GULP1: variants seen among roughly 807,000 people sequenced by gnomAD.
GULP1 encodes GULP PTB domain containing engulfment adaptor 1, also known as PTB domain-containing engulfment adapter protein 1.
In GULP1, 19 loss-of-function variants were observed where a neutral mutation model predicts 40.9. That is an observed-to-expected ratio of 0.46 (90% CI 0.32 to 0.68). The LOEUF (loss-of-function observed/expected upper bound fraction) is 0.68, where lower values mean the gene tolerates loss of function less well. Among genes scored for constraint, GULP1 ranks in the 30% least tolerant of loss-of-function variants. The pLI is 0.03. For synonymous variants in GULP1, 119 were observed against 117.6 expected, an observed-to-expected ratio of 1.01 and a Z score of -0.08; for missense variants, 312 against 362.2, an observed-to-expected ratio of 0.86 and a Z score of 1.12.
chr2:188,407,751 A>G (rs1347750710), intron 2 of GULP1, among the ~76,000 whole-genome samples: 2 of 152,204 alleles, frequency 1.3e-5, no homozygotes, highest in East Asian at 3.8e-4. Flanking sequence ...CAAAACAACT[A>G]GAAAAATATT....
intron 6 of GULP1, among the ~76,000 whole-genome samples, chr2:188,530,684 T>G (rs985344800): frequency 6.6e-6 from 1 of 152,160 alleles, no homozygotes; most frequent in African/African-American, 2.4e-5. Flanking sequence ...ACCGACACCT[T>G]GATCTTAGAC....
intron 1 of GULP1, among the ~76,000 whole-genome samples, chr2:188,348,072 G>T (rs188403171): frequency 6.6e-6 from 1 of 152,026 alleles, no homozygotes; most frequent in African/African-American, 2.4e-5. Flanking sequence ...AATTCAGTGC[G>T]GAAGTAACTT....
intron 1 of GULP1, among the ~76,000 whole-genome samples, chr2:188,356,153 CT>C (rs2045282860): frequency 6.6e-6 from 1 of 152,016 alleles, no homozygotes; most frequent in Non-Finnish European, 1.5e-5. Context: ...GTTTTCATCA[CT>C]TTTATTCAAC....
chr2:188,574,288 A>T (rs927879440), intron 9 of GULP1, among the ~76,000 whole-genome samples: 4 of 152,142 alleles, frequency 2.6e-5, no homozygotes, highest in Non-Finnish European at 5.9e-5. Flanking sequence ...GATGAAGTAG[A>T]AGATGAAGCC....
intron 10 of GULP1, among the ~76,000 whole-genome samples, chr2:188,584,903 A>G (rs1702046752): frequency 6.6e-6 from 1 of 152,070 alleles, no homozygotes; most frequent in Non-Finnish European, 1.5e-5. Context: ...TTTCTGTTTT[A>G]TCTTTTATAT....
Position 188,541,206 on chromosome 2 carries a change from A to G in GULP1, c.287A>G (p.His96Arg), listed in dbSNP as rs369711209. The G allele has an allele frequency of 3.7e-6, 6 of 1,612,808 alleles. No homozygotes were observed. In the African/African-American group the frequency reaches 6.7e-5, roughly 18 times the overall value. ...GAAGTTCAACACAATTGCCAGCTTCATAGAATATCTTTTTGTGCAGATGAT... is the reference window on the plus strand; with the variant it reads ...GAAGTTCAACACAATTGCCAGCTTCGTAGAATATCTTTTTGTGCAGATGAT... ...TKEVQHNCQLHRISFCADDKT... is the reference protein window; with the variant it reads ...TKEVQHNCQLRRISFCADDKT... The change falls in exon 7 of 12, where the codon CAT becomes CGT. Residue 96 changes from histidine to arginine, a missense_variant. Physicochemically the swap from His to Arg is conservative, Grantham distance 29 (BLOSUM62 0). Transcript: ENST00000409830.
intron 2 of GULP1, among the ~76,000 whole-genome samples, chr2:188,456,705 G>T (rs980114627): frequency 6.6e-6 from 1 of 152,192 alleles, no homozygotes; most frequent in East Asian, 1.9e-4. Context: ...ACCTAGTGGA[G>T]CTGTGAGAAG....
intron 2 of GULP1, chr2:188,384,410 A>T (rs1287986607): frequency 6.6e-6 from 1 of 152,138 alleles, no homozygotes; most frequent in African/African-American, 2.4e-5. Flanking sequence ...CGCCCCCATG[A>T]TTCAATCACC....
intron 3 of GULP1, among the ~76,000 whole-genome samples, chr2:188,479,446 T>G (rs1471356771): frequency 4.6e-5 from 7 of 152,130 alleles, no homozygotes; most frequent in Non-Finnish European, 2.9e-5. Flanking sequence ...TTGAAGTTTT[T>G]GTTTTGTTTT....
chr2:188,463,352 G>A (rs764691476), intron 2 of GULP1, among the ~76,000 whole-genome samples: 20 of 152,138 alleles, frequency 1.3e-4, no homozygotes, highest in Non-Finnish European at 2.1e-4. Context: ...CTCCTGGCCT[G>A]TAAAGTTCCC....
At chr2:188,547,695 GAC>G (rs762902817) in intron 7 of GULP1, among the ~76,000 whole-genome samples, 7 of 152,076 alleles carry the variant, frequency 4.6e-5, no homozygotes, top group Non-Finnish European at 7.4e-5. Context: ...CACCCTCACA[GAC>G]ACACACAGGA....
rs191249932 is a variant in GULP1, at chr2:188,568,251, G to A, written c.400-988G>A. ...GAATTTGTAGTAGAGTTAAAGCATAGCATTTTCAATATATATTACTACTAG... is the reference window on the plus strand; with the variant it reads ...GAATTTGTAGTAGAGTTAAAGCATAACATTTTCAATATATATTACTACTAG... On this transcript the variant is annotated intron_variant, in intron 7 of 11. Transcript: ENST00000409830. Among the ~76,000 whole-genome samples the A allele has an allele frequency of 4.7e-4, 72 of 152,172 alleles. 1 individual carries two copies. Among genetic ancestry groups the A allele is most frequent in the Middle Eastern group, 6.9e-3 (2 of 288 alleles).
At chr2:188,470,064 C>T (rs2060460294) in intron 2 of GULP1, among the ~76,000 whole-genome samples, 1 of 151,980 alleles carries the variant, frequency 6.6e-6, no homozygotes, top group African/African-American at 2.4e-5. Context: ...CAAGGTAATA[C>T]TGGCCTCATA....
intron 2 of GULP1, among the ~76,000 whole-genome samples, chr2:188,424,007 A>G (rs1575156898): frequency 6.6e-6 from 1 of 151,826 alleles, no homozygotes; most frequent in Admixed American, 6.6e-5. Flanking sequence ...GTGGTATTTC[A>G]TTTAATATAG....
At chr2:188,497,116 G>A (rs563081886) in intron 4 of GULP1, among the ~76,000 whole-genome samples, 1 of 152,004 alleles carries the variant, frequency 6.6e-6, no homozygotes, top group African/African-American at 2.4e-5. Flanking sequence ...TTATCTGCCC[G>A]TTTTTGAAAA....
chr2:188,491,456 A>G (rs527696784), intron 4 of GULP1: 4 of 152,072 alleles, frequency 2.6e-5, no homozygotes, highest in Non-Finnish European at 5.9e-5. Context: ...AGAAATGAGA[A>G]TGAAGAGGAA....
intron 2 of GULP1, among the ~76,000 whole-genome samples, chr2:188,430,748 C>T (rs1463756957): frequency 6.6e-6 from 1 of 152,172 alleles, no homozygotes; most frequent in Non-Finnish European, 1.5e-5. Flanking sequence ...TTCCTCAAAG[C>T]CAGCAATACA....
chr2:188,349,978 A>G (rs759285426), intron 1 of GULP1, among the ~76,000 whole-genome samples: 4 of 152,090 alleles, frequency 2.6e-5, no homozygotes, highest in African/African-American at 7.2e-5. Context: ...TATTTCCCCA[A>G]TGATTTGTCT....
intron 1 of GULP1, among the ~76,000 whole-genome samples, chr2:188,344,821 T>C (rs2043412820): frequency 6.6e-6 from 1 of 152,190 alleles, no homozygotes; most frequent in African/African-American, 2.4e-5. Flanking sequence ...CACATGCACA[T>C]ACCTATGTAC....
Sources: allele counts gnomAD v4.1 joint callset (sites outside exome capture counted in the v4.1 genomes callset), GRCh38; gene constraint gnomAD v4.1.1; transcripts MANE v1.5; gene names NCBI Gene and HGNC (gene_info 2026-07-23, HGNC 2026-07-21).